SCN1A: variants seen among roughly 807,000 people sequenced by gnomAD.
The protein encoded by SCN1A is sodium channel protein type 1 subunit alpha.
Under a neutral mutation model 193.7 loss-of-function variants are expected in SCN1A, and 13 were observed. The observed-to-expected ratio is 0.07, with a 90% confidence interval of 0.04 to 0.11. The LOEUF (loss-of-function observed/expected upper bound fraction) is 0.11. Among genes scored for constraint, SCN1A ranks in the 10% least tolerant of loss-of-function variants. The pLI, the probability that SCN1A is intolerant of heterozygous loss-of-function variation, is 1.00. For synonymous variants in SCN1A, 781 were observed against 843.6 expected (o/e 0.93, Z 1.29); for missense variants, 1,432 against 2,451.1 (o/e 0.58, Z 8.78).
At chr2:166,026,548 A>G (rs1046979394) in intron 19 of SCN1A, among the ~76,000 whole-genome samples, 1 of 152,144 alleles carries the variant, frequency 6.6e-6, no homozygotes, top group African/African-American at 2.4e-5. Context: ...AAAAATCAGT[A>G]AGGCCAATTA....
intron 2 of SCN1A, chr2:166,123,577 A>AT (rs911355569): frequency 4.6e-5 from 7 of 152,316 alleles, no homozygotes; most frequent in African/African-American, 1.7e-4. Context: ...ATCAACTGAG[A>AT]TAACTCACTA....
upstream of SCN1A, among the ~76,000 whole-genome samples, chr2:166,128,669 T>C (rs929265333): frequency 1.3e-5 from 2 of 152,194 alleles, no homozygotes; most frequent in East Asian, 3.9e-4. Flanking sequence ...CAACCCACTC[T>C]CAATTTCTAT....
intron 26 of SCN1A, among the ~76,000 whole-genome samples, chr2:165,996,702 A>G (rs1362878893): frequency 6.6e-6 from 1 of 151,510 alleles, no homozygotes; most frequent in African/African-American, 2.4e-5. Context: ...AACACTGGCA[A>G]GTAAGTGAAA....
At chr2:166,112,984 T>C (rs1429857607) in intron 2 of SCN1A, among the ~76,000 whole-genome samples, 1 of 152,226 alleles carries the variant, frequency 6.6e-6, no homozygotes, top group African/African-American at 2.4e-5. Context: ...CTGGAAATAG[T>C]AAGCTCTTAA....
At chr2:166,094,445 A>G (rs1687157695) in intron 2 of SCN1A, among the ~76,000 whole-genome samples, 1 of 152,228 alleles carries the variant, frequency 6.6e-6, no homozygotes. Flanking sequence ...TATTTTCCAC[A>G]TAAAGTCACA....
intron 23 of SCN1A, chr2:166,009,505 A>G (rs1239107767): frequency 5.8e-6 from 2 of 344,308 alleles, no homozygotes; most frequent in Non-Finnish European, 5.4e-6. Context: ...TCATTTAAAT[A>G]AGCACAGCAG....
At chr2:166,042,683 A>T (rs187461202) in intron 14 of SCN1A, among the ~76,000 whole-genome samples, 45 of 152,338 alleles carry the variant, frequency 3.0e-4, no homozygotes, top group Non-Finnish European at 7.3e-5. Context: ...ATTTTAATAT[A>T]GTTGATAAAA....
At chr2:166,000,607 C>A (rs778380243) in intron 24 of SCN1A, among the ~76,000 whole-genome samples, 1 of 151,650 alleles carries the variant, frequency 6.6e-6, no homozygotes, top group Non-Finnish European at 1.5e-5. Context: ...GTTCTGATAA[C>A]GCTAACCCTT....
chr2:165,985,353 AGAAAAAGGAAG>A (rs1383309398), downstream of SCN1A: 1 of 151,476 alleles, frequency 6.6e-6, no homozygotes, highest in Non-Finnish European at 1.5e-5. Flanking sequence ...AGGTAAAGTA[AGAAAAAGGAAG>A]GAAAAAGGAA....
At chr2:166,083,024 T>G (rs962177440) in intron 2 of SCN1A, among the ~76,000 whole-genome samples, 3 of 152,088 alleles carry the variant, frequency 2.0e-5, no homozygotes, top group African/African-American at 4.8e-5. Flanking sequence ...CAAAAGAATG[T>G]TACTGCCAAT....
At chr2:166,050,567 G>A (rs75017629) in intron 9 of SCN1A, among the ~76,000 whole-genome samples, 4,413 of 141,746 alleles carry the variant, frequency 0.031, 238 homozygotes, top group African/African-American at 0.11. Flanking sequence ...AGCTACTAAG[G>A]AGGCTGAGAT....
At chr2:166,002,374 T>C (rs1054574783) in intron 24 of SCN1A, 98 bp downstream of exon 24, 120 of 1,255,586 alleles carry the variant, frequency 9.6e-5, no homozygotes, top group Non-Finnish European at 1.3e-4. Context: ...TAGAAAGAAA[T>C]ATATACTTTT....
At chr2:166,122,113 C>G (rs1004772983) in intron 2 of SCN1A, among the ~76,000 whole-genome samples, 4 of 152,188 alleles carry the variant, frequency 2.6e-5, no homozygotes, top group Non-Finnish European at 5.9e-5. Flanking sequence ...GCCACCCTGT[C>G]TGTGGTACTT....
At chr2:166,010,513 A>G (rs1408293157) in intron 22 of SCN1A, among the ~76,000 whole-genome samples, 2 of 151,290 alleles carry the variant, frequency 1.3e-5, no homozygotes, top group Non-Finnish European at 3.0e-5. Context: ...AAATACACAC[A>G]GCAATAAATT....
chr2:166,062,385 ATGTT>A (rs963102264), intron 4 of SCN1A, among the ~76,000 whole-genome samples: 115 of 152,244 alleles, frequency 7.6e-4, no homozygotes, highest in African/African-American at 2.5e-3. Flanking sequence ...AATTGATCTT[ATGTT>A]TGTTTATTTC....
At chr2:166,104,410 C>T (rs530375136) in intron 2 of SCN1A, 1 of 152,182 alleles carries the variant, frequency 6.6e-6, no homozygotes, top group Non-Finnish European at 1.5e-5. Flanking sequence ...CCTCTGTGAA[C>T]CTAGAGTGCT....
rs374767754 is a variant in SCN1A, at chr2:166,042,411, T to G, written c.2057A>C (p.Glu686Ala). 19 of 1,613,764 alleles carry G rather than the reference T, an allele frequency of 1.2e-5. No individual in the cohort carries two copies. Among genetic ancestry groups the G allele is most frequent in the Admixed American group, 3.3e-5 (2 of 59,996 alleles). Residue 686 changes from glutamate to alanine, a missense_variant, in exon 15 of 29, where the codon GAA becomes GCA. Physicochemically the swap from Glu to Ala is moderately radical, Grantham distance 107. This residue lies in a region of SCN1A where 316 missense variants were observed against 362.1 expected (regional missense o/e 0.87). Coordinates refer to ENST00000674923, the MANE Select transcript of SCN1A (RefSeq NM_001165963.4). ...PATDDNGTTT[E>A]TEMRKRRSSS... is the part of the protein sequence containing the mutation. The stretch of plus-strand genomic sequence containing the variant: ...TGACCTTCTCTTTCTCATTTCAGTT[T>G]CAGTGGTTGTTCCCTGTAAAAAAAA...
chr2:166,020,742 T>C (rs1693952203), intron 19 of SCN1A, among the ~76,000 whole-genome samples: 1 of 152,174 alleles, frequency 6.6e-6, no homozygotes, highest in Admixed American at 6.5e-5. Flanking sequence ...ACTTTTTAAA[T>C]AGTTACAAAT....
At chr2:166,120,253 A>G (rs1264586774) in intron 2 of SCN1A, among the ~76,000 whole-genome samples, 2 of 151,444 alleles carry the variant, frequency 1.3e-5, no homozygotes, top group African/African-American at 2.4e-5. Context: ...AAAAAATAAG[A>G]TGTAATATTC....
Sources: gnomAD v4.1 joint callset for allele counts (sites outside exome capture counted in the v4.1 genomes callset) on GRCh38, gnomAD v4.1.1 for gene constraint, gnomAD v4.1.1 regional missense constraint, MANE v1.5 for transcripts, NCBI Gene and HGNC (gene_info 2026-07-23, HGNC 2026-07-21) for gene names.